Variants in POLDIP3 observed in about 807,000 individuals in gnomAD.
POLDIP3 encodes DNA polymerase delta interacting protein 3, also known as polymerase delta-interacting protein 3.
A neutral mutation model predicts 45.1 loss-of-function variants in POLDIP3; 14 were observed. The ratio of observed to expected loss-of-function variants is 0.31; its 90% CI spans 0.20 to 0.49. POLDIP3 has a LOEUF of 0.49. Ranked by LOEUF, POLDIP3 falls within the 20% of genes least tolerant of loss-of-function variation. The pLI, the probability that POLDIP3 is intolerant of heterozygous loss-of-function variation, is 0.99. For missense variants in POLDIP3, 511 were observed against 538.8 expected, an observed-to-expected ratio of 0.95 and a Z score of 0.51; for synonymous variants, 223 against 205.2, an observed-to-expected ratio of 1.09 and a Z score of -0.74.
At chr22:42,601,147 T>C (rs1382373305) in intron 3 of POLDIP3, among the ~76,000 whole-genome samples, 5 of 152,022 alleles carry the variant, frequency 3.3e-5, no homozygotes, top group Non-Finnish European at 5.9e-5. Context: ...CAACAGTGAC[T>C]GGCTTTGGAG....
intron 1 of POLDIP3, among the ~76,000 whole-genome samples, chr22:42,607,314 T>C (rs1274812955): frequency 6.6e-6 from 1 of 152,244 alleles, no homozygotes; most frequent in Non-Finnish European, 1.5e-5. Context: ...GGTTTCGCTG[T>C]GTTGGCCGGG....
chr22:42,604,347 C>G (rs986723790), intron 1 of POLDIP3, among the ~76,000 whole-genome samples: 18 of 152,160 alleles, frequency 1.2e-4, no homozygotes, highest in Admixed American at 1.2e-3. Context: ...TAAGCAGCAT[C>G]GAGCCCTGGC....
At chr22:42,588,691 C>T (rs1237205172) in intron 7 of POLDIP3, among the ~76,000 whole-genome samples, 1 of 148,188 alleles carries the variant, frequency 6.7e-6, no homozygotes, top group African/African-American at 2.5e-5. Context: ...GGCAATGGTG[C>T]GATCTCGGCT....
intron 4 of POLDIP3, among the ~76,000 whole-genome samples, chr22:42,596,746 T>C (rs1926016964): frequency 1.3e-5 from 2 of 152,082 alleles, no homozygotes; most frequent in Non-Finnish European, 2.9e-5. Context: ...TGGCCAGGCA[T>C]AGTGGATCAC....
chr22:42,604,636 T>C (rs1346483445), intron 1 of POLDIP3, among the ~76,000 whole-genome samples: 3 of 152,220 alleles, frequency 2.0e-5, no homozygotes, highest in East Asian at 3.8e-4. Context: ...CACTGCTGCA[T>C]TCCAGTGGCT....
intron 1 of POLDIP3, among the ~76,000 whole-genome samples, chr22:42,605,108 AG>A (rs1926637434): frequency 6.6e-6 from 1 of 152,126 alleles, no homozygotes; most frequent in African/African-American, 2.4e-5. Flanking sequence ...CTCTGTGACA[AG>A]GAAGTTTCTT....
rs1926003921 is a variant in POLDIP3, at chr22:42,596,513, C to G, written c.634-148G>C. 6.3e-6 allele frequency: 5 copies of G among 788,210 alleles called. No homozygotes were observed. In the South Asian group the frequency reaches 9.7e-5, roughly 15 times the overall value. 48.8% of individuals were successfully genotyped at this position (788,210 alleles called of 1,614,324 possible). ...TAGAGGTCTGGAGCCAAAAAGGCTG[C>G]CGGCTGCCAGTGACATCCCATAGGG... On this transcript the variant is annotated intron_variant, in intron 4 of 8. Coordinates refer to ENST00000252115, the MANE Select transcript of POLDIP3 (RefSeq NM_032311.5).
chr22:42,607,883 T>C (rs1263096696), intron 1 of POLDIP3, among the ~76,000 whole-genome samples: 1 of 148,714 alleles, frequency 6.7e-6, no homozygotes, highest in Non-Finnish European at 1.5e-5. Flanking sequence ...AGCCGCCCCG[T>C]CTGGGAAGTG....
intron 1 of POLDIP3, among the ~76,000 whole-genome samples, chr22:42,608,109 C>A (rs528521824): frequency 5.3e-5 from 8 of 152,096 alleles, no homozygotes; most frequent in African/African-American, 1.9e-4. Context: ...GCGGTTTTGT[C>A]GAATAGAAAA....
At chr22:42,589,988 A>G (rs1016424484) in intron 7 of POLDIP3, among the ~76,000 whole-genome samples, 2 of 152,120 alleles carry the variant, frequency 1.3e-5, no homozygotes, top group Non-Finnish European at 2.9e-5. Context: ...AAGAAAATAC[A>G]TATTTTCCTT....
In POLDIP3 at chr22:42,611,100, C is replaced by T. The variant is rs115060160; in HGVS notation, c.59+3699G>A. Among the ~76,000 whole-genome samples the T allele has an allele frequency of 2.7e-3, 405 of 152,316 alleles. 1 individual carries two copies. The highest frequency in any genetic ancestry group is 9.4e-3 in the African/African-American group (389 of 41,562). On this transcript the variant is annotated intron_variant, in intron 1 of 8. Coordinates refer to ENST00000252115, the MANE Select transcript of POLDIP3 (RefSeq NM_032311.5). Reference sequence around the variant, plus strand: ...ACCCTCTTCTGGTTCAATCATTTCCCATTAGTCAAGGAATCTTTTAATAAT... The same window carrying T: ...ACCCTCTTCTGGTTCAATCATTTCCTATTAGTCAAGGAATCTTTTAATAAT...
chr22:42,592,197 G>T lies in POLDIP3; in HGVS notation c.892-113C>A, dbSNP rs996615252. On this transcript the variant is annotated intron_variant, in intron 6 of 8. Transcript: ENST00000252115. ...TCCGCTGCAGCTAAATGCGCCCTGC[G>T]CCTGAGACTGCGGGGAGGCTCCACG... The T allele has an allele frequency of 2.7e-6, 4 of 1,483,020 alleles. No individual in the cohort carries two copies. In the African/African-American group the frequency reaches 5.6e-5, roughly 21 times the overall value. The allele number at this position is 1,483,020 out of a possible 1,614,324, so 91.9% of individuals were successfully genotyped here. A position where few individuals can be genotyped will look rare whatever the true frequency, so the allele number is the denominator to read the frequency against.
chr22:42,607,534 T>A (rs1926818221), intron 1 of POLDIP3, among the ~76,000 whole-genome samples: 2 of 152,156 alleles, frequency 1.3e-5, no homozygotes, highest in South Asian at 4.1e-4. Context: ...TGCCACCCCG[T>A]CTGGGAAGTG....
intron 3 of POLDIP3, among the ~76,000 whole-genome samples, chr22:42,601,225 A>G (rs1449352077): frequency 6.6e-6 from 1 of 151,986 alleles, no homozygotes; most frequent in Non-Finnish European, 1.5e-5. Context: ...ATTTAAAAAA[A>G]TTAGGCCGGG....
Position 42,612,829 on chromosome 22 carries a change from AAAAC to A in POLDIP3, c.59+1966_59+1969del, listed in dbSNP as rs145647543. Among the ~76,000 whole-genome samples the A allele has an allele frequency of 3.9e-3, 599 of 152,270 alleles. 4 individuals carry two copies. Among genetic ancestry groups the A allele is most frequent in the African/African-American group, 0.014 (583 of 41,536 alleles). ...CAATACAGTGAGACTCCCTCTCAAA[AAAAC>A]AAACAAAAAAAACCCTTCTCACATT... On this transcript the variant is annotated intron_variant, in intron 1 of 8. Coordinates refer to ENST00000252115, the MANE Select transcript of POLDIP3 (RefSeq NM_032311.5).
chr22:42,599,477 G>A (rs1472849606), intron 4 of POLDIP3, among the ~76,000 whole-genome samples: 4 of 152,192 alleles, frequency 2.6e-5, no homozygotes, highest in East Asian at 1.9e-4. Flanking sequence ...GGCGGCAGGC[G>A]CCTGTAATCC....
At position 42,584,972 on chromosome 22, in the gene POLDIP3, A is replaced by G. The variant is rs1925202529; in HGVS notation, c.*819T>C. 2 of 456,118 alleles carry G rather than the reference A, an allele frequency of 4.4e-6. No homozygotes were observed. The highest frequency in any genetic ancestry group is 2.0e-5 in the African/African-American group (1 of 50,060). 28.3% of individuals were successfully genotyped at this position (456,118 alleles called of 1,614,324 possible). On this transcript the variant is annotated 3_prime_UTR_variant, in exon 9 of 9. Transcript: ENST00000252115. The stretch of plus-strand genomic sequence containing the variant: ...AGAAGAGAGCTGGCGGCTACACAAA[A>G]CCAGGGTGTGGTTAAGTGCCAGGCG...
rs1190555556 is a variant in POLDIP3 at position 42,584,682 on chromosome 22, G to A, written c.*1109C>T. On this transcript the variant is annotated 3_prime_UTR_variant, in exon 9 of 9. Transcript: ENST00000252115. ...GGGAAACACCTTGCCTGGTAGAGCT[G>A]CCCTGCTCCCTTGACTCCTCCTCCT... 2.8e-6 allele frequency: 1 copy of A among 357,246 alleles called. No individual in the cohort carries two copies. Among genetic ancestry groups the A allele is most frequent in the South Asian group, 2.1e-5 (1 of 47,834 alleles). 22.1% of individuals were successfully genotyped at this position (357,246 alleles called of 1,614,324 possible).
chr22:42,602,975 T>C lies in POLDIP3; in HGVS notation c.245A>G (p.Asp82Gly), dbSNP rs755807935. 5.0e-6 allele frequency: 8 copies of C among 1,614,000 alleles called. No homozygotes were observed. The Admixed American group carries it at 6.7e-5, about 13-fold the overall frequency. The change falls in exon 2 of 9, where the codon GAT becomes GGT. Residue 82 changes from aspartate (D) to glycine (G), a missense_variant. Transcript: ENST00000252115. ...TTTCCCTTTGATTCGAAATCGGGCA[T>C]CTTTCTGCAAAAGCTTCTCCCGGGC... ...KDAREKLLQK[D>G]ARFRIKGKVQ... is the part of the protein sequence containing the mutation.
Sources: gnomAD v4.1 joint callset for allele counts (sites outside exome capture counted in the v4.1 genomes callset) on GRCh38, gnomAD v4.1.1 for gene constraint, MANE v1.5 for transcripts, NCBI Gene and HGNC (gene_info 2026-07-23, HGNC 2026-07-21) for gene names.